PWP1: variants seen among roughly 807,000 people sequenced by gnomAD.
The protein encoded by PWP1 is periodic tryptophan protein 1 homolog.
In PWP1, 47 loss-of-function variants were observed where a neutral mutation model predicts 69.9. The ratio of observed to expected loss-of-function variants is 0.67; its 90% confidence interval spans 0.53 to 0.86. The LOEUF is 0.86. Among genes scored for constraint, PWP1 ranks in the 40% least tolerant of loss-of-function variants. PWP1 has a pLI of 0.00. For synonymous variants in PWP1, 222 were observed against 208.2 expected (o/e 1.07, Z -0.57); for missense variants, 551 against 608.8 (o/e 0.91, Z 1.00).
chr12:107,700,047 C>T (rs1009307990), intron 8 of PWP1, among the ~76,000 whole-genome samples: 3 of 152,092 alleles, frequency 2.0e-5, no homozygotes, highest in African/African-American at 7.2e-5. Flanking sequence ...TTTATAAAAC[C>T]GTCAGATCTT....
Position 107,712,278 on chromosome 12 carries a change from A to G in PWP1, c.*58A>G, listed in dbSNP as rs1436498213. 2.2e-6 allele frequency: 3 copies of G among 1,362,802 alleles called. No homozygotes were observed. Among genetic ancestry groups the G allele is most frequent in the Non-Finnish European group, 3.1e-6 (3 of 954,194 alleles). 84.4% of individuals were successfully genotyped at this position (1,362,802 alleles called of 1,614,324 possible). On this transcript the variant is annotated 3_prime_UTR_variant, in exon 15 of 15. Coordinates refer to ENST00000412830, the MANE Select transcript of PWP1 (RefSeq NM_007062.3). Reference sequence around the variant, plus strand: ...TGGGAATTTTAAAAAGTTGGCCTAAAAATGTTCCATGCGTGGCAGCAACCA... The same window carrying G: ...TGGGAATTTTAAAAAGTTGGCCTAAGAATGTTCCATGCGTGGCAGCAACCA...
At chr12:107,690,048 G>A (rs1208801237) in intron 3 of PWP1, among the ~76,000 whole-genome samples, 1 of 152,188 alleles carries the variant, frequency 6.6e-6, no homozygotes, top group Non-Finnish European at 1.5e-5. Flanking sequence ...GTAAATCCCA[G>A]TTAGTCTGCA....
At chr12:107,686,872 A>C (rs960828607) in intron 1 of PWP1, among the ~76,000 whole-genome samples, 2 of 148,634 alleles carry the variant, frequency 1.3e-5, no homozygotes, top group African/African-American at 4.9e-5. Flanking sequence ...AGGCTGAGGC[A>C]GGAGAATGGC....
chr12:107,688,872 A>G, intron 3 of PWP1, 70 bp downstream of exon 3: 1 of 1,442,142 alleles, frequency 6.9e-7, no homozygotes, highest in Non-Finnish European at 9.5e-7. Flanking sequence ...GTGGTGTTCC[A>G]AAGCTTTACT....
intron 3 of PWP1, among the ~76,000 whole-genome samples, chr12:107,689,511 C>T (rs1297371753): frequency 2.0e-5 from 3 of 152,034 alleles, no homozygotes; most frequent in African/African-American, 4.8e-5. Flanking sequence ...TTTGGGAGGC[C>T]GAGGCAGGTG....
intron 14 of PWP1, among the ~76,000 whole-genome samples, chr12:107,711,288 C>A (rs895126017): frequency 1.3e-5 from 2 of 152,166 alleles, no homozygotes; most frequent in Non-Finnish European, 2.9e-5. Context: ...GCAGGCCAGG[C>A]GTTCCTTGCC....
At chr12:107,693,277 A>AT (rs1889521936) in intron 5 of PWP1, among the ~76,000 whole-genome samples, 181 bp downstream of exon 5, 1 of 152,164 alleles carries the variant, frequency 6.6e-6, no homozygotes, top group Non-Finnish European at 1.5e-5. Context: ...GTAGTCCAGT[A>AT]CATCACTTTG....
In PWP1 at chr12:107,697,489, C is replaced by T. The variant is rs760139370; in HGVS notation, c.636C>T (p.Asn212=). ...TAGGAAATTACATTGCTGTAGGAAA[C>T]ATGACCCCTGTTATTGAAGTGTGGG... ...DSTGNYIAVG[N]MTPVIEVWDL... Residue 212 remains asparagine (N), a synonymous_variant, in exon 7 of 15, where the codon AAC becomes AAT. Transcript: ENST00000412830. 25 of 1,597,140 alleles carry T rather than the reference C, an allele frequency of 1.6e-5. No individual in the cohort carries two copies. In the South Asian group the frequency reaches 2.7e-4, roughly 17 times the overall value.
chr12:107,685,843 G>A lies in PWP1; in HGVS notation c.-57G>A. The A allele has an allele frequency of 1.9e-6, 3 of 1,588,342 alleles. No homozygotes were observed. The East Asian group carries it at 6.7e-5, about 36-fold the overall frequency. On this transcript the variant is annotated 5_prime_UTR_variant, in exon 1 of 15. In the 5' UTR this introduces an upstream ATG that the reference lacks. Coordinates refer to ENST00000412830, the MANE Select transcript of PWP1 (RefSeq NM_007062.3). ...CTGAGCGTGTGGCAGCAGTGCGGTCGTGGTCCCTCCCTATGCAGCCTGGTT... is the reference window on the plus strand; with the variant it reads ...CTGAGCGTGTGGCAGCAGTGCGGTCATGGTCCCTCCCTATGCAGCCTGGTT...
At chr12:107,697,678 A>G (rs1051949627) in intron 7 of PWP1, 81 bp downstream of exon 7, 1 of 1,370,030 alleles carries the variant, frequency 7.3e-7, no homozygotes, top group African/African-American at 1.4e-5. Context: ...AAGACCGTAC[A>G]CTTTTTCAAT....
intron 11 of PWP1, among the ~76,000 whole-genome samples, chr12:107,706,236 G>C (rs1371114198): frequency 1.3e-5 from 2 of 152,140 alleles, no homozygotes; most frequent in South Asian, 4.1e-4. Context: ...CCCACTTTTT[G>C]ATGGGGCTGT....
chr12:107,709,988 A>T (rs1889913158), intron 13 of PWP1, among the ~76,000 whole-genome samples: 1 of 152,176 alleles, frequency 6.6e-6, no homozygotes. Context: ...TATAACAAAT[A>T]TATATTACCT....
chr12:107,686,969 C>CAAAAAAAAAAAAAAAA (rs61728433), intron 1 of PWP1, among the ~76,000 whole-genome samples: 1 of 106,770 alleles, frequency 9.4e-6, no homozygotes, highest in Admixed American at 1.0e-4. Flanking sequence ...GACTCCGTCT[C>CAAAAAAAAAAAAAAAA]AAAAAAAAAA....
intron 8 of PWP1, among the ~76,000 whole-genome samples, chr12:107,699,792 C>CT (rs1476768395): frequency 2.0e-5 from 3 of 152,180 alleles, no homozygotes; most frequent in Admixed American, 1.3e-4. Context: ...CTCTTTTATT[C>CT]TTTTTTCTTT....
At position 107,697,450 on chromosome 12, in the gene PWP1, A is replaced by G; in HGVS notation, c.614-17A>G. 6.4e-7 allele frequency: 1 copy of G among 1,564,622 alleles called. No homozygotes were observed. ...TCTTTTTTTGTGTAATCATACATGC[A>G]TTGTTTCCTCCCATAGGAAATTACA... On this transcript the variant is annotated splice_polypyrimidine_tract_variant and intron_variant, in intron 6 of 14. Transcript: ENST00000412830.
At position 107,706,259 on chromosome 12, in the gene PWP1, A is replaced by C. The variant is rs1889822117; in HGVS notation, c.1077+1512A>C. Among the ~76,000 whole-genome samples the C allele has an allele frequency of 2.0e-5, 3 of 151,858 alleles. No homozygotes were observed. In the South Asian group the frequency reaches 6.2e-4, roughly 32 times the overall value. On this transcript the variant is annotated intron_variant, in intron 11 of 14. Coordinates refer to ENST00000412830, the MANE Select transcript of PWP1 (RefSeq NM_007062.3). ...TTGATGGGGCTGTTTTTTTCTTGTA[A>C]ATTTGTTTGAGTTCATTGTAGATTC...
rs1889746659 is a variant in PWP1, at chr12:107,703,145, C to T, written c.903+114C>T. 3 of 725,846 alleles carry T rather than the reference C, an allele frequency of 4.1e-6. No homozygotes were observed. The Admixed American group carries it at 7.5e-5, about 18-fold the overall frequency. 45.0% of individuals were successfully genotyped at this position (725,846 alleles called of 1,614,324 possible). ...GAAAATAATTTTATCTGGCTTGCGG[C>T]ATGCTTTCACATGTTATCTCTTAGG... is the stretch of plus-strand genomic sequence containing the variant. On this transcript the variant is annotated intron_variant, in intron 9 of 14. Transcript: ENST00000412830.
intron 7 of PWP1, 168 bp downstream of exon 7, chr12:107,697,765 A>G (rs995415428): frequency 5.6e-6 from 4 of 714,112 alleles, no homozygotes; most frequent in Non-Finnish European, 9.8e-6. Context: ...CATCCAAAGA[A>G]AACTTATTTC....
chr12:107,709,327 T>C lies in PWP1; in HGVS notation c.1290+95T>C, dbSNP rs900101594. 144 of 1,448,382 alleles carry C rather than the reference T, an allele frequency of 9.9e-5. No homozygotes were observed. The Middle Eastern group carries it at 1.5e-3, about 16-fold the overall frequency. The allele number at this position is 1,448,382 out of a possible 1,614,324, so 89.7% of individuals were successfully genotyped here. A position where few individuals can be genotyped will look rare whatever the true frequency, so the allele number is the denominator to read the frequency against. Reference sequence around the variant, plus strand: ...GTTGCGTGTTTTTCTGTTGGAACTATTGCATTAACAAATATGGATGTGTTG... The same window carrying C: ...GTTGCGTGTTTTTCTGTTGGAACTACTGCATTAACAAATATGGATGTGTTG... On this transcript the variant is annotated intron_variant, in intron 13 of 14. Coordinates refer to ENST00000412830, the MANE Select transcript of PWP1 (RefSeq NM_007062.3).
Sources: gnomAD v4.1 joint callset for allele counts (sites outside exome capture counted in the v4.1 genomes callset) on GRCh38, gnomAD v4.1.1 for gene constraint, MANE v1.5 for transcripts, NCBI Gene and HGNC (gene_info 2026-07-23, HGNC 2026-07-21) for gene names.